The following MBP variants were observed in gnomAD, a reference collection of about 807,000 sequenced individuals.
MBP encodes the protein myelin basic protein, also known as Golli-MBP.
Under a neutral mutation model 35.8 loss-of-function variants are expected in MBP, and 16 were observed. The ratio of observed to expected loss-of-function variants is 0.45; its 90% CI spans 0.30 to 0.68. The LOEUF is 0.68. MBP is among the 30% of genes least tolerant of loss of function. The pLI is 0.08. For synonymous variants in MBP, 143 were observed against 159.6 expected (o/e 0.90, Z 0.78); for missense variants, 380 against 404.7 (o/e 0.94, Z 0.52).
intron 3 of MBP, among the ~76,000 whole-genome samples, chr18:77,039,884 A>T (rs941653513): frequency 1.1e-4 from 16 of 152,202 alleles, no homozygotes; most frequent in African/African-American, 3.6e-4. Context: ...CAGTTCTTAC[A>T]ACTGACACCC....
chr18:77,000,045 C>T (rs1300774551), intron 4 of MBP, among the ~76,000 whole-genome samples: 3 of 152,092 alleles, frequency 2.0e-5, no homozygotes, highest in African/African-American at 4.8e-5. Context: ...TGTGTTTTGC[C>T]AGCTAGAGAT....
intron 1 of MBP, chr18:77,110,040 A>C (rs1160409096): frequency 1.3e-5 from 2 of 152,220 alleles, no homozygotes; most frequent in Non-Finnish European, 2.9e-5. Flanking sequence ...TCATGTTTCT[A>C]TAAACCTAAG....
chr18:77,123,698 G>T (rs1480168238), intron 1 of MBP, among the ~76,000 whole-genome samples: 1 of 152,226 alleles, frequency 6.6e-6, no homozygotes. Flanking sequence ...GACCACAGGA[G>T]CCAGCTTGTC....
rs1969801064 is a variant in MBP, at chr18:76,989,982, G to A, written c.655C>T (p.Pro219Ser). Residue 219 changes from proline to serine, a missense_variant, in exon 5 of 9, where the codon CCC becomes TCC. Pro to Ser is a moderately conservative substitution (Grantham distance 74). Coordinates refer to ENST00000355994, the MANE Select transcript of MBP (RefSeq NM_001025101.2). This position sits in a 1 kb window ranked among gnomAD's most constrained non-coding sequence, Gnocchi z 4.0. ...ATGTTCTTGAAGAAGTGGACTACGGGGTTTTCATCTTGGGTCCGGCCGTGT... is the reference window on the plus strand; with the variant it reads ...ATGTTCTTGAAGAAGTGGACTACGGAGTTTTCATCTTGGGTCCGGCCGTGT... ...KSHGRTQDEN[P>S]VVHFFKNIVT... The A allele has an allele frequency of 6.2e-7, 1 of 1,612,490 alleles. No individual in the cohort carries two copies. The highest frequency in any genetic ancestry group is 8.5e-7 in the Non-Finnish European group (1 of 1,179,924).
intron 3 of MBP, among the ~76,000 whole-genome samples, chr18:77,062,754 C>A (rs1240424127): frequency 6.6e-6 from 1 of 152,216 alleles, no homozygotes; most frequent in African/African-American, 2.4e-5. Context: ...GCAATAGCAC[C>A]TGTGCCAGAG....
intron 4 of MBP, chr18:77,015,631 T>C (rs1353441821): frequency 1.0e-6 from 1 of 985,328 alleles, no homozygotes; most frequent in Non-Finnish European, 1.2e-6. Flanking sequence ...CTCAGACAGA[T>C]GGTAGAGATG....
chr18:77,067,790 C>G (rs1453896883), intron 2 of MBP: 1 of 505,384 alleles, frequency 2.0e-6, no homozygotes, highest in East Asian at 5.5e-5. Flanking sequence ...AACCCAGGAC[C>G]ATAATATGTA....
At chr18:77,056,201 C>A (rs116357423) in intron 3 of MBP, among the ~76,000 whole-genome samples, 1,784 of 152,330 alleles carry the variant, frequency 0.012, 34 homozygotes, top group African/African-American at 0.041. Context: ...GTGCCTGGCC[C>A]GGTGTCCATG....
intron 4 of MBP, among the ~76,000 whole-genome samples, chr18:77,000,063 G>A (rs1409775856): frequency 6.6e-6 from 1 of 152,140 alleles, no homozygotes; most frequent in African/African-American, 2.4e-5. Flanking sequence ...GATGAGGCCA[G>A]GACATTTCTG....
At chr18:76,983,290 A>G (rs1411680625) in intron 8 of MBP, 1 of 152,178 alleles carries the variant, frequency 6.6e-6, no homozygotes, top group African/African-American at 2.4e-5. Flanking sequence ...AATCATCACA[A>G]CTAGCAACAC....
intron 1 of MBP, chr18:77,127,608 T>C (rs1231443008): frequency 6.6e-6 from 1 of 152,132 alleles, no homozygotes; most frequent in Non-Finnish European, 1.5e-5. Context: ...AAAAACAAGA[T>C]AAAGTGGTAG....
At chr18:77,125,676 T>G (rs1022637336) in intron 1 of MBP, among the ~76,000 whole-genome samples, 1 of 152,190 alleles carries the variant, frequency 6.6e-6, no homozygotes, top group East Asian at 1.9e-4. Context: ...CTGGGTAGTT[T>G]AACTGTTGTA....
chr18:77,112,120 C>T (rs1976477554), intron 1 of MBP, among the ~76,000 whole-genome samples: 1 of 151,954 alleles, frequency 6.6e-6, no homozygotes, highest in Non-Finnish European at 1.5e-5. Flanking sequence ...GAGCATAGTA[C>T]ACAGCTACCA....
At chr18:77,085,075 G>GCCC (rs981772026) in intron 2 of MBP, among the ~76,000 whole-genome samples, 7 of 151,940 alleles carry the variant, frequency 4.6e-5, no homozygotes, top group African/African-American at 1.7e-4. Context: ...TTCATGTAAG[G>GCCC]TTAAGGGCCG....
chr18:77,018,626 A>ATCCATCCC (rs1971810656), intron 3 of MBP, among the ~76,000 whole-genome samples: 1 of 141,582 alleles, frequency 7.1e-6, no homozygotes, highest in Non-Finnish European at 1.5e-5. Flanking sequence ...CCATCCATCC[A>ATCCATCCC]TCCATCCATC....
intron 2 of MBP, chr18:77,093,402 CA>C (rs1247765953): frequency 1.3e-5 from 2 of 152,306 alleles, no homozygotes; most frequent in Admixed American, 6.5e-5. Flanking sequence ...GGCACCACTT[CA>C]CGATCACCCC....
chr18:77,028,678 A>C (rs1389795214), intron 3 of MBP, among the ~76,000 whole-genome samples: 1 of 80,474 alleles, frequency 1.2e-5, no homozygotes, highest in Non-Finnish European at 3.2e-5. Context: ...GGGGCTCCTC[A>C]CTTCCCAGTA....
intron 2 of MBP, among the ~76,000 whole-genome samples, chr18:77,084,348 T>C (rs1975110726): frequency 6.6e-6 from 1 of 150,836 alleles, no homozygotes; most frequent in Non-Finnish European, 1.5e-5. Flanking sequence ...AAATGCCTGA[T>C]GACAAGAGCT....
At chr18:77,067,180 G>C (rs534506272) in intron 2 of MBP, among the ~76,000 whole-genome samples, 3 of 152,216 alleles carry the variant, frequency 2.0e-5, no homozygotes, top group Admixed American at 6.5e-5. Context: ...CAGTGGCTGC[G>C]TGCTGAAACC....
Sources: gnomAD v4.1 joint callset for allele counts (sites outside exome capture counted in the v4.1 genomes callset) on GRCh38, gnomAD v4.1.1 for gene constraint, Gnocchi (gnomAD v3.1) non-coding constraint, MANE v1.5 for transcripts, NCBI Gene and HGNC (gene_info 2026-07-23, HGNC 2026-07-21) for gene names.